The following HECW2 variants were observed in gnomAD, a reference collection of about 807,000 sequenced individuals.
HECW2 encodes HECT, C2 and WW domain containing E3 ubiquitin protein ligase 2.
In HECW2, 61 loss-of-function variants were observed where a neutral mutation model predicts 175.2. The observed-to-expected ratio is 0.35, with a 90% CI of 0.28 to 0.43. The LOEUF (loss-of-function observed/expected upper bound fraction) is 0.43, where lower values mean the gene tolerates loss of function less well. Ranked by LOEUF, HECW2 falls within the 20% of genes least tolerant of loss-of-function variation. HECW2 has a pLI of 1.00. For synonymous variants in HECW2, 671 were observed against 731.0 expected (o/e 0.92, Z 1.32); for missense variants, 1,524 against 2,000.5 (o/e 0.76, Z 4.54).
At chr2:196,521,945 A>C (rs1380135722) in intron 1 of HECW2, among the ~76,000 whole-genome samples, 2 of 151,992 alleles carry the variant, frequency 1.3e-5, no homozygotes, top group South Asian at 2.1e-4. Context: ...ATAAACATAC[A>C]TGTGCCTGTG....
At chr2:196,562,750 A>T (rs1157062228) in intron 1 of HECW2, among the ~76,000 whole-genome samples, 2 of 152,192 alleles carry the variant, frequency 1.3e-5, no homozygotes, top group East Asian at 1.9e-4. Context: ...AAATCAGAAA[A>T]GTACCAGCTT....
At position 196,387,221 on chromosome 2, in the gene HECW2, T is replaced by C. The variant is rs965966305; in HGVS notation, c.293-43457A>G. On this transcript the variant is annotated intron_variant, in intron 2 of 28. Coordinates refer to ENST00000644978, the MANE Select transcript of HECW2 (RefSeq NM_001348768.2). Reference sequence around the variant, plus strand: ...CTGATGATCTCCATTAGTTAGAATATGCTTAAGTACTTTGGGGTGCTATGG... The same window carrying C: ...CTGATGATCTCCATTAGTTAGAATACGCTTAAGTACTTTGGGGTGCTATGG... 5.3e-5 allele frequency among the ~76,000 whole-genome samples: 8 copies of C among 152,192 alleles called. No individual in the cohort carries two copies. The South Asian group carries it at 6.2e-4, about 12-fold the overall frequency.
rs143922636 is a variant in HECW2, at chr2:196,350,426, T to C, written c.293-6662A>G. 2.9e-3 allele frequency among the ~76,000 whole-genome samples: 440 copies of C among 152,278 alleles called. 4 individuals carry two copies. The highest frequency in any genetic ancestry group is 9.9e-3 in the African/African-American group (412 of 41,564). ...GCTCTTCCAGAGACTTTGAATTTAG[T>C]AGGTTTGAGTCTGGGCTCAGGAATC... On this transcript the variant is annotated intron_variant, in intron 2 of 28. Transcript: ENST00000644978.
chr2:196,513,740 G>A (rs1015429203), intron 1 of HECW2, among the ~76,000 whole-genome samples: 2 of 152,236 alleles, frequency 1.3e-5, no homozygotes, highest in African/African-American at 4.8e-5. Context: ...CATGTGAAGA[G>A]ACAGAGCGGA....
At chr2:196,473,569 T>C (rs925811454) in intron 1 of HECW2, among the ~76,000 whole-genome samples, 19 of 152,198 alleles carry the variant, frequency 1.2e-4, no homozygotes, top group Non-Finnish European at 2.2e-4. Context: ...GGATTTTTTT[T>C]AGAGATAATT....
intron 2 of HECW2, among the ~76,000 whole-genome samples, chr2:196,366,325 G>A (rs143329887): frequency 1.2e-3 from 182 of 152,274 alleles, no homozygotes; most frequent in African/African-American, 4.1e-3. Context: ...ATATGCTTTG[G>A]AAGAGAAGAA....
chr2:196,573,884 T>C (rs1194947512), intron 1 of HECW2, among the ~76,000 whole-genome samples: 26 of 147,888 alleles, frequency 1.8e-4, no homozygotes, highest in African/African-American at 6.5e-4. Flanking sequence ...AAAAAAACAG[T>C]GAGAAATAAT....
intron 2 of HECW2, among the ~76,000 whole-genome samples, chr2:196,419,126 C>T (rs1040718221): frequency 2.0e-5 from 3 of 152,094 alleles, no homozygotes; most frequent in African/African-American, 7.2e-5. Flanking sequence ...GTTAAGAGTG[C>T]AATGGAAGGA....
At chr2:196,570,954 G>A (rs1265444809) in intron 1 of HECW2, among the ~76,000 whole-genome samples, 1 of 152,116 alleles carries the variant, frequency 6.6e-6, no homozygotes, top group Non-Finnish European at 1.5e-5. Context: ...TTGTTTCCCT[G>A]ATGTTCAAAG....
At chr2:196,350,324 C>T (rs916475189) in intron 2 of HECW2, among the ~76,000 whole-genome samples, 2 of 152,116 alleles carry the variant, frequency 1.3e-5, no homozygotes, top group African/African-American at 4.8e-5. Context: ...GAGATTGTGC[C>T]ACTGCACTCC....
At chr2:196,436,175 C>T (rs1301084916) in intron 1 of HECW2, among the ~76,000 whole-genome samples, 3 of 152,036 alleles carry the variant, frequency 2.0e-5, no homozygotes, top group Non-Finnish European at 4.4e-5. Flanking sequence ...CCGACGCAGG[C>T]GGATCATGAA....
chr2:196,217,175 A>T, intron 26 of HECW2, 82 bp from the exon 27 acceptor site: 3 of 915,808 alleles, frequency 3.3e-6, no homozygotes, highest in Non-Finnish European at 5.2e-6. Context: ...AAGAGTCCCC[A>T]GACATAAATC....
intron 1 of HECW2, among the ~76,000 whole-genome samples, chr2:196,448,378 T>C (rs1002894927): frequency 6.6e-6 from 1 of 152,222 alleles, no homozygotes; most frequent in Non-Finnish European, 1.5e-5. Context: ...AGCTAGTGGA[T>C]GACACAGCTG....
At position 196,391,266 on chromosome 2, in the gene HECW2, G is replaced by C. The variant is rs141643813; in HGVS notation, c.292+41866C>G. 2.6e-5 allele frequency among the ~76,000 whole-genome samples: 4 copies of C among 152,210 alleles called. No homozygotes were observed. In the East Asian group the frequency reaches 7.7e-4, roughly 29 times the overall value. On this transcript the variant is annotated intron_variant, in intron 2 of 28. Transcript: ENST00000644978. ...CCTCTTCTTACATCTTCAGGCCTAG[G>C]AGTAGTAACAGTACCCTGCCCCACT...
chr2:196,428,309 A>T (rs1230812977), intron 2 of HECW2, among the ~76,000 whole-genome samples: 3 of 152,182 alleles, frequency 2.0e-5, no homozygotes, highest in Non-Finnish European at 4.4e-5. Context: ...TAGAAATCTG[A>T]AGCTATTTCT....
At chr2:196,495,041 T>C (rs191421287) in intron 1 of HECW2, among the ~76,000 whole-genome samples, 14 of 152,126 alleles carry the variant, frequency 9.2e-5, no homozygotes, top group African/African-American at 3.1e-4. Flanking sequence ...ATGTGATCCA[T>C]AAAAGTTGGT....
intron 2 of HECW2, among the ~76,000 whole-genome samples, chr2:196,381,220 C>A (rs1694198610): frequency 6.6e-6 from 1 of 152,156 alleles, no homozygotes; most frequent in South Asian, 2.1e-4. Context: ...TCACCAATCA[C>A]CCCACATGGT....
intron 1 of HECW2, among the ~76,000 whole-genome samples, chr2:196,527,731 T>C (rs1688717299): frequency 6.6e-6 from 1 of 152,222 alleles, no homozygotes; most frequent in Non-Finnish European, 1.5e-5. Flanking sequence ...GCAGAGAAAC[T>C]TCAGACTTAA....
At chr2:196,514,007 C>A (rs1479814772) in intron 1 of HECW2, among the ~76,000 whole-genome samples, 2 of 152,198 alleles carry the variant, frequency 1.3e-5, no homozygotes, top group Non-Finnish European at 2.9e-5. Context: ...CAGCAACAGG[C>A]TGGAGACCCA....
Sources: gnomAD v4.1 joint callset for allele counts (sites outside exome capture counted in the v4.1 genomes callset) on GRCh38, gnomAD v4.1.1 for gene constraint, MANE v1.5 for transcripts, NCBI Gene and HGNC (gene_info 2026-07-23, HGNC 2026-07-21) for gene names.